Variants in RAB3GAP1 observed in about 807,000 individuals in gnomAD.
RAB3GAP1 encodes the protein rab3 GTPase-activating protein catalytic subunit.
RAB3GAP1 carries 86 observed loss-of-function variants against 130.7 expected under a neutral mutation model. The ratio of observed to expected loss-of-function variants is 0.66; its 90% confidence interval spans 0.55 to 0.79. The LOEUF is 0.79. RAB3GAP1 is among the 30% of genes least tolerant of loss of function. The probability of loss-of-function intolerance (pLI) is 0.00; values close to 1 mark genes in which losing one functional copy is unlikely to be tolerated. For missense variants in RAB3GAP1, 1,029 were observed against 1,169.4 expected (o/e 0.88, Z 1.75); for synonymous variants, 367 against 401.7 (o/e 0.91, Z 1.03).
At position 135,164,627 on chromosome 2, in the gene RAB3GAP1, G is replaced by C; in HGVS notation, c.2640G>C (p.Val880=). 6.2e-7 allele frequency: 1 copy of C among 1,613,456 alleles called. No individual in the cohort carries two copies. ...FVSCLLEQPE[V]LVTGAGRGHA... ...GTTGCCTGCTGGAGCAGCCTGAAGT[G>C]TTAGTCACCGGTGCAGGAAGAGGAC... is the stretch of plus-strand genomic sequence containing the variant. The change falls in exon 23 of 24, where the codon GTG becomes GTC. Residue 880 remains valine, a synonymous_variant. Transcript: ENST00000264158.
At position 135,058,089 on chromosome 2, in the gene RAB3GAP1, C is replaced by T. The variant is rs1028276025; in HGVS notation, c.150+3C>T. The T allele has an allele frequency of 1.2e-6, 2 of 1,604,248 alleles. No homozygotes were observed. Among genetic ancestry groups the T allele is most frequent in the African/African-American group, 1.3e-5 (1 of 74,662 alleles). On this transcript the variant is annotated splice_donor_region_variant and intron_variant, in intron 3 of 23. Transcript: ENST00000264158. ...CTTTGGGAAAGCCACTCGAAAAGGT[C>T]AGATCTATTTGCTGGTGTCTCTAAA...
intron 3 of RAB3GAP1, among the ~76,000 whole-genome samples, chr2:135,078,715 C>A (rs1312101000): frequency 1.6e-5 from 2 of 124,234 alleles, no homozygotes; most frequent in East Asian, 5.6e-4. Context: ...CTCTCCTTTC[C>A]TTTCCTTTTG....
rs539668203 is a variant in RAB3GAP1, at chr2:135,154,730, G to A, written c.2289+854G>A. 6.6e-5 allele frequency among the ~76,000 whole-genome samples: 10 copies of A among 152,272 alleles called. 1 individual carries two copies. In the South Asian group the frequency reaches 1.9e-3, roughly 28 times the overall value. ...TTCACAGCACTTGCCACAGGGAAGG[G>A]ACTTGAATGTAAACAGGGCTAGAAA... On this transcript the variant is annotated intron_variant, in intron 19 of 23. Transcript: ENST00000264158.
intron 5 of RAB3GAP1, among the ~76,000 whole-genome samples, chr2:135,095,697 A>T (rs1690273485): frequency 6.6e-6 from 1 of 152,210 alleles, no homozygotes; most frequent in African/African-American, 2.4e-5. Context: ...AATTTCAGGC[A>T]AAAACAACAA....
chr2:135,095,162 C>T (rs921648742), intron 5 of RAB3GAP1, among the ~76,000 whole-genome samples: 1 of 152,170 alleles, frequency 6.6e-6, no homozygotes, highest in South Asian at 2.1e-4. Flanking sequence ...CATTCTCCTC[C>T]CTCAGGCTCC....
intron 23 of RAB3GAP1, among the ~76,000 whole-genome samples, chr2:135,165,495 G>T (rs186855118): frequency 6.6e-6 from 1 of 150,690 alleles, no homozygotes; most frequent in Non-Finnish European, 1.5e-5. Context: ...GTGTCTACAC[G>T]TGGAATAACA....
intron 3 of RAB3GAP1, among the ~76,000 whole-genome samples, chr2:135,071,718 G>A (rs1461736085): frequency 6.6e-6 from 1 of 152,048 alleles, no homozygotes; most frequent in Non-Finnish European, 1.5e-5. Context: ...TTACCTATCA[G>A]GTCTCCACAT....
At chr2:135,066,432 C>T (rs1437995206) in intron 3 of RAB3GAP1, among the ~76,000 whole-genome samples, 3 of 152,220 alleles carry the variant, frequency 2.0e-5, no homozygotes, top group Non-Finnish European at 4.4e-5. Context: ...CAGACTTCAA[C>T]AGTTAGTTAT....
At chr2:135,058,712 T>C (rs754669288) in intron 3 of RAB3GAP1, 1 of 152,300 alleles carries the variant, frequency 6.6e-6, no homozygotes, top group Non-Finnish European at 1.5e-5. Flanking sequence ...ACACCCCAAA[T>C]GTTTACTGAA....
chr2:135,102,843 G>A (rs1173558308), intron 5 of RAB3GAP1, among the ~76,000 whole-genome samples: 8 of 151,456 alleles, frequency 5.3e-5, no homozygotes, highest in East Asian at 4.0e-4. Context: ...GTGAAACCTC[G>A]TCTCTACTAA....
Position 135,058,031 on chromosome 2 carries a change from A to C in RAB3GAP1, c.95A>C (p.Glu32Ala), listed in dbSNP as rs753847238. 6.2e-7 allele frequency: 1 copy of C among 1,612,640 alleles called. No individual in the cohort carries two copies. Among genetic ancestry groups the C allele is most frequent in the South Asian group, 1.1e-5 (1 of 91,030 alleles). Residue 32 changes from glutamate to alanine, a missense_variant, in exon 3 of 24, where the codon GAA becomes GCA. Around this residue, in one of 3 missense-constraint regions of RAB3GAP1, gnomAD observed 510 missense variants for 532.1 expected, o/e 0.96. Transcript: ENST00000264158. ...CCTAGGTTTATTTCCAAAGTTGAAG[A>C]AGTCTTGAATGACTGGAAACTGATT... ...EWERFISKVE[E>A]VLNDWKLIGN...
intron 11 of RAB3GAP1, among the ~76,000 whole-genome samples, chr2:135,129,741 TA>T (rs1691476917): frequency 6.6e-6 from 1 of 152,098 alleles, no homozygotes; most frequent in Admixed American, 6.5e-5. Flanking sequence ...TAGGTACAGT[TA>T]TTTTTTTCTT....
In RAB3GAP1 at chr2:135,124,237, A is replaced by G; in HGVS notation, c.821A>G (p.Asp274Gly). The G allele has an allele frequency of 1.2e-6, 2 of 1,613,884 alleles. No individual in the cohort carries two copies. Among genetic ancestry groups the G allele is most frequent in the South Asian group, 1.1e-5 (1 of 91,082 alleles). Residue 274 changes from aspartate (D) to glycine (G), a missense_variant, in exon 9 of 24, where the codon GAT (aspartate) becomes GGT (glycine). By Grantham distance (94) the Asp-to-Gly change is moderately conservative (BLOSUM62 -1). Around this residue, in one of 3 missense-constraint regions of RAB3GAP1, gnomAD observed 510 missense variants for 532.1 expected, o/e 0.96. Coordinates refer to ENST00000264158, the MANE Select transcript of RAB3GAP1 (RefSeq NM_012233.3). ...AAGTTACCATTTGGTGCCTGCGAAG[A>G]TCCTATTAGGTGAGAATTTCAACCT... ...FGKLPFGACE[D>G]PISELHLATT...
chr2:135,106,095 G>T (rs976195587), intron 5 of RAB3GAP1, among the ~76,000 whole-genome samples: 1 of 151,910 alleles, frequency 6.6e-6, no homozygotes, highest in Non-Finnish European at 1.5e-5. Flanking sequence ...CATCCGGGAG[G>T]TGGGGGTCAG....
chr2:135,130,177 T>C (rs1185969807), intron 12 of RAB3GAP1, 90 bp downstream of exon 12: 2 of 1,099,490 alleles, frequency 1.8e-6, no homozygotes, highest in Non-Finnish European at 2.8e-6. Flanking sequence ...TGTTTTCTCA[T>C]TTTGAATTAA....
At chr2:135,054,356 AT>A (rs971733585) in intron 2 of RAB3GAP1, among the ~76,000 whole-genome samples, 1 of 152,190 alleles carries the variant, frequency 6.6e-6, no homozygotes, top group Admixed American at 6.5e-5. Context: ...AGGTGATATG[AT>A]GAAAGTGGTT....
At position 135,152,748 on chromosome 2, in the gene RAB3GAP1, T is replaced by A. The variant is rs188885773; in HGVS notation, c.2062-901T>A. 3 of 152,308 alleles carry A rather than the reference T, an allele frequency of 2.0e-5. No individual in the cohort carries two copies. The East Asian group carries it at 5.8e-4, about 29-fold the overall frequency. 9.4% of individuals were successfully genotyped at this position (152,308 alleles called of 1,614,324 possible). A position where few individuals can be genotyped will look rare whatever the true frequency, so the allele number is the denominator to read the frequency against. ...AGCTCAGTGAGGAGAAACTGGTAGT[T>A]TTACTCTTCACATTTAAGACAGAAC... is the stretch of plus-strand genomic sequence containing the variant. On this transcript the variant is annotated intron_variant, in intron 18 of 23. Transcript: ENST00000264158.
chr2:135,151,713 C>G (rs951690517), intron 18 of RAB3GAP1, among the ~76,000 whole-genome samples: 2 of 152,180 alleles, frequency 1.3e-5, no homozygotes, highest in African/African-American at 2.4e-5. Flanking sequence ...GGGCACATGT[C>G]AAACCAAAAG....
At chr2:135,087,287 A>G (rs776757407) in intron 3 of RAB3GAP1, among the ~76,000 whole-genome samples, 11 of 152,210 alleles carry the variant, frequency 7.2e-5, no homozygotes, top group Non-Finnish European at 1.6e-4. Context: ...TTATGCCTAT[A>G]CTATACTGTC....
Sources: allele counts gnomAD v4.1 joint callset (sites outside exome capture counted in the v4.1 genomes callset), GRCh38; gene constraint gnomAD v4.1.1; regional missense constraint gnomAD v4.1.1; transcripts MANE v1.5; gene names NCBI Gene and HGNC (gene_info 2026-07-23, HGNC 2026-07-21).